SLIT1: variants seen among roughly 807,000 people sequenced by gnomAD.
SLIT1 encodes slit guidance ligand 1.
A neutral mutation model predicts 186.1 loss-of-function variants in SLIT1; 66 were observed. That is an observed-to-expected ratio of 0.35 (90% confidence interval 0.29 to 0.44). The LOEUF (loss-of-function observed/expected upper bound fraction) is 0.44. SLIT1 is among the 20% of genes least tolerant of loss of function. The pLI is 1.00. For synonymous variants in SLIT1, 761 were observed against 833.8 expected (o/e 0.91, Z 1.50); for missense variants, 1,638 against 2,037.4 (o/e 0.80, Z 3.77).
At chr10:97,139,001 C>T (rs942610447) in intron 4 of SLIT1, among the ~76,000 whole-genome samples, 1 of 152,222 alleles carries the variant, frequency 6.6e-6, no homozygotes, top group Non-Finnish European at 1.5e-5. Context: ...ATATCTAATC[C>T]ATCCTGATAT....
intron 4 of SLIT1, among the ~76,000 whole-genome samples, chr10:97,135,164 C>T (rs575002268): frequency 1.1e-4 from 17 of 152,348 alleles, no homozygotes; most frequent in African/African-American, 3.4e-4. Context: ...AAGGCACGGG[C>T]TTCACGAACG....
intron 4 of SLIT1, among the ~76,000 whole-genome samples, chr10:97,093,823 G>A (rs933295541): frequency 2.6e-5 from 4 of 152,240 alleles, no homozygotes; most frequent in African/African-American, 7.2e-5. Flanking sequence ...ACACCGTCTT[G>A]CTAAGGCAGG....
At chr10:97,011,505 C>T (rs1263984945) in intron 30 of SLIT1, among the ~76,000 whole-genome samples, 2 of 152,116 alleles carry the variant, frequency 1.3e-5, no homozygotes, top group Admixed American at 6.5e-5. Flanking sequence ...CTGCACCCTC[C>T]CTGTTCTCCC....
Position 97,065,904 on chromosome 10 carries a change from T to C in SLIT1, c.485+111A>G, listed in dbSNP as rs1302845284. 9.0e-6 allele frequency: 7 copies of C among 780,624 alleles called. No homozygotes were observed. The East Asian group carries it at 1.9e-4, about 21-fold the overall frequency. 48.4% of individuals were successfully genotyped at this position (780,624 alleles called of 1,614,324 possible). A position where few individuals can be genotyped will look rare whatever the true frequency, so the allele number is the denominator to read the frequency against. On this transcript the variant is annotated intron_variant, in intron 5 of 36. Transcript: ENST00000266058. ...GGCACCAGCCCTCTGAGAGCCCAGG[T>C]CAGCTCCCTGGCTGCCTGGACCACA... is the stretch of plus-strand genomic sequence containing the variant.
rs1589411758 is a variant in SLIT1 at position 97,149,290 on chromosome 10, T to C, written c.413+8528A>G. On this transcript the variant is annotated intron_variant, in intron 4 of 36. Transcript: ENST00000266058. The stretch of plus-strand genomic sequence containing the variant: ...CGGCCCAGTGGGACGCTCGCCTCTT[T>C]CACTTGAGCCTTGACAGCAGGCGCA... 2.0e-5 allele frequency among the ~76,000 whole-genome samples: 3 copies of C among 152,220 alleles called. No homozygotes were observed. The South Asian group carries it at 6.2e-4, about 31-fold the overall frequency.
chr10:97,161,175 TC>T (rs1245709149), intron 3 of SLIT1, among the ~76,000 whole-genome samples: 1 of 152,056 alleles, frequency 6.6e-6, no homozygotes, highest in Non-Finnish European at 1.5e-5. Flanking sequence ...CCCAGTGGGG[TC>T]ATGTCTCGAC....
At chr10:97,125,555 T>C (rs1306022277) in intron 4 of SLIT1, among the ~76,000 whole-genome samples, 1 of 99,918 alleles carries the variant, frequency 1.0e-5, no homozygotes, top group African/African-American at 3.1e-5. Context: ...AAAAAAAAAG[T>C]AGGCCGGGCG....
At chr10:97,039,911 C>G in intron 21 of SLIT1, 77 bp downstream of exon 21, 1 of 1,547,980 alleles carries the variant, frequency 6.5e-7, no homozygotes, top group Non-Finnish European at 8.8e-7. Context: ...TGGCTAGGCC[C>G]CAGCCCCTCA....
intron 17 of SLIT1, 76 bp from the exon 18 acceptor site, chr10:97,046,873 C>T (rs866677024): frequency 1.3e-6 from 2 of 1,580,132 alleles, no homozygotes; most frequent in Non-Finnish European, 1.7e-6. Context: ...CTGCAGGCAA[C>T]ACCCCCACAC....
intron 13 of SLIT1, among the ~76,000 whole-genome samples, chr10:97,053,682 TA>T (rs1210408464): frequency 4.1e-4 from 62 of 152,342 alleles, no homozygotes; most frequent in African/African-American, 1.4e-3. Context: ...ACATCCTGCC[TA>T]ACTGCAGGCT....
intron 1 of SLIT1, among the ~76,000 whole-genome samples, chr10:97,176,439 TC>T (rs1850257196): frequency 6.6e-6 from 1 of 151,188 alleles, no homozygotes; most frequent in African/African-American, 2.4e-5. Flanking sequence ...CCTCCTTCCC[TC>T]CCCAAGAGAC....
chr10:97,179,802 C>G (rs868229236), intron 1 of SLIT1, among the ~76,000 whole-genome samples: 1 of 122,290 alleles, frequency 8.2e-6, no homozygotes, highest in Non-Finnish European at 2.0e-5. Flanking sequence ...CCACACCCTC[C>G]CCGCCCCCCG....
At chr10:97,028,811 C>T (rs893877160) in intron 25 of SLIT1, among the ~76,000 whole-genome samples, 2 of 152,170 alleles carry the variant, frequency 1.3e-5, no homozygotes, top group Admixed American at 6.5e-5. Flanking sequence ...GAATAAATAG[C>T]GAGCTTTGGA....
intron 4 of SLIT1, among the ~76,000 whole-genome samples, chr10:97,124,021 A>G (rs1589402533): frequency 6.6e-6 from 1 of 152,148 alleles, no homozygotes; most frequent in Non-Finnish European, 1.5e-5. Flanking sequence ...CTTCACATGT[A>G]TGTAGGCTCA....
In SLIT1 at chr10:97,185,959, G is replaced by C. The variant is rs536396440; in HGVS notation, c.-285C>G. On this transcript the variant is annotated 5_prime_UTR_variant, in exon 1 of 37. Coordinates refer to ENST00000266058, the MANE Select transcript of SLIT1 (RefSeq NM_003061.3). ...AGCTCCCAACTGACTGCTGCGAGGAGGAAAATGGGCAGGCCCCGCGCGCGC... is the reference window on the plus strand; with the variant it reads ...AGCTCCCAACTGACTGCTGCGAGGACGAAAATGGGCAGGCCCCGCGCGCGC... The C allele has an allele frequency of 2.4e-5, 11 of 459,830 alleles. No homozygotes were observed. Among genetic ancestry groups the C allele is most frequent in the African/African-American group, 2.1e-4 (10 of 48,226 alleles). The allele number at this position is 459,830 out of a possible 1,614,324, so 28.5% of individuals were successfully genotyped here.
At chr10:97,164,210 C>A (rs1471392942) in intron 2 of SLIT1, among the ~76,000 whole-genome samples, 4 of 152,262 alleles carry the variant, frequency 2.6e-5, no homozygotes, top group Admixed American at 6.5e-5. Context: ...CCCCCTGCAT[C>A]TGTCCCTCTC....
intron 13 of SLIT1, among the ~76,000 whole-genome samples, chr10:97,053,717 G>A (rs947600014): frequency 9.9e-5 from 15 of 152,126 alleles, no homozygotes; most frequent in Non-Finnish European, 1.8e-4. Context: ...GTAGATGAAG[G>A]GGACCATTTA....
intron 4 of SLIT1, among the ~76,000 whole-genome samples, chr10:97,078,476 C>T (rs190396068): frequency 1.4e-3 from 207 of 152,342 alleles, no homozygotes; most frequent in Admixed American, 2.7e-3. Flanking sequence ...TTGAACCCGG[C>T]TGTTTGCTAT....
Position 97,018,646 on chromosome 10 carries a change from C to T in SLIT1, c.2909G>A (p.Ser970Asn). The part of the protein sequence containing the change: ...DCEVSLDSCS[S>N]GPCENGGTCH... Reference sequence around the variant, plus strand: ...GGTGCCCCCATTTTCACAGGGGCCACTGGAACAGCTGTCCAGGGACACCTC... The same window carrying T: ...GGTGCCCCCATTTTCACAGGGGCCATTGGAACAGCTGTCCAGGGACACCTC... The change falls in exon 28 of 37, where the codon AGT becomes AAT. Residue 970 changes from serine (S) to asparagine (N), a missense_variant. Physicochemically the swap from Ser to Asn is conservative, Grantham distance 46. This residue lies in a region of SLIT1 where 1,245 missense variants were observed against 1,535.3 expected (regional missense o/e 0.81). Transcript: ENST00000266058. 1.3e-6 allele frequency: 2 copies of T among 1,595,220 alleles called. No individual in the cohort carries two copies. The highest frequency in any genetic ancestry group is 1.1e-5 in the South Asian group (1 of 87,520).
Sources: allele counts gnomAD v4.1 joint callset (sites outside exome capture counted in the v4.1 genomes callset), GRCh38; gene constraint gnomAD v4.1.1; regional missense constraint gnomAD v4.1.1; transcripts MANE v1.5; gene names NCBI Gene and HGNC (gene_info 2026-07-23, HGNC 2026-07-21).